The following RBFOX1 variants were observed in gnomAD, a reference collection of about 807,000 sequenced individuals.
RBFOX1 encodes the protein RNA binding fox-1 homolog 1.
In RBFOX1, 8 loss-of-function variants were observed where a neutral mutation model predicts 57.7. That is an observed-to-expected ratio of 0.14 (90% CI 0.08 to 0.25). RBFOX1 has a LOEUF of 0.25. Among genes scored for constraint, RBFOX1 ranks in the 10% least tolerant of loss-of-function variants. RBFOX1 has a pLI of 1.00. For synonymous variants in RBFOX1, 326 were observed against 222.4 expected, an observed-to-expected ratio of 1.47 and a Z score of -4.15; for missense variants, 611 against 548.5, an observed-to-expected ratio of 1.11 and a Z score of -1.14.
chr16:5,844,527 T>C (rs4238861), intron 3 of RBFOX1, among the ~76,000 whole-genome samples: 91,407 of 151,938 alleles, frequency 0.6, 27,941 homozygotes, highest in African/African-American at 0.68. Flanking sequence ...CTTGGACATG[T>C]GTGTAAGTCT....
intron 4 of RBFOX1, among the ~76,000 whole-genome samples, chr16:5,948,321 A>T (rs2059446798): frequency 1.3e-5 from 2 of 152,148 alleles, no homozygotes; most frequent in Admixed American, 1.3e-4. Context: ...TTTGTGGGAG[A>T]CACATGGCCT....
At chr16:6,518,617 C>A (rs1297517328) in intron 2 of RBFOX1, among the ~76,000 whole-genome samples, 1 of 152,150 alleles carries the variant, frequency 6.6e-6, no homozygotes. Flanking sequence ...GCCTCCAGCT[C>A]TTGGGGCTTC....
chr16:7,030,929 G>A (rs2042629045), intron 3 of RBFOX1, among the ~76,000 whole-genome samples: 1 of 152,222 alleles, frequency 6.6e-6, no homozygotes, highest in African/African-American at 2.4e-5. Context: ...GGAAGGGAAT[G>A]TGGGTATTTA....
At chr16:6,507,641 A>G (rs809091) in intron 2 of RBFOX1, among the ~76,000 whole-genome samples, 34,676 of 152,040 alleles carry the variant, frequency 0.23, 4,444 homozygotes, top group East Asian at 0.45. Context: ...ACTGCACTCC[A>G]GCCTGGACAG....
intron 4 of RBFOX1, among the ~76,000 whole-genome samples, chr16:7,157,184 T>A (rs777564059): frequency 1.3e-5 from 2 of 152,228 alleles, no homozygotes; most frequent in Non-Finnish European, 2.9e-5. Flanking sequence ...GTTTCAGCCT[T>A]AGAATTGCAG....
Position 6,149,412 on chromosome 16 carries a change from C to G in RBFOX1, c.-127+129420C>G, listed in dbSNP as rs2096782208. Among the ~76,000 whole-genome samples, 2 of 152,204 alleles carry G rather than the reference C, an allele frequency of 1.3e-5. 1 individual carries two copies. The highest frequency in any genetic ancestry group is 4.1e-4 in the South Asian group (2 of 4,830). On this transcript the variant is annotated intron_variant, in intron 1 of 15. Coordinates refer to ENST00000550418, the MANE Select transcript of RBFOX1 (RefSeq NM_018723.4). ...GGATTCATTGCAGACGCACAGGTTTCTGTTCTTAGAAGTACCCGTGTATGC... is the reference window on the plus strand; with the variant it reads ...GGATTCATTGCAGACGCACAGGTTTGTGTTCTTAGAAGTACCCGTGTATGC...
intron 4 of RBFOX1, among the ~76,000 whole-genome samples, chr16:7,405,334 C>A (rs117011231): frequency 6.6e-6 from 1 of 152,210 alleles, no homozygotes; most frequent in Non-Finnish European, 1.5e-5. Context: ...GGAAAGCCTT[C>A]AGCTGCGATG....
chr16:5,470,221 C>T (rs1327620762), intron 2 of RBFOX1, among the ~76,000 whole-genome samples: 7 of 152,220 alleles, frequency 4.6e-5, no homozygotes, highest in Admixed American at 4.6e-4. Flanking sequence ...GCATGTGGAA[C>T]ATCAGCCCTG....
In RBFOX1 at chr16:6,587,167, A is replaced by C. The variant is rs548570883; in HGVS notation, c.-63-67436A>C. Among the ~76,000 whole-genome samples the C allele has an allele frequency of 1.6e-3, 240 of 152,208 alleles. 1 individual carries two copies. The highest frequency in any genetic ancestry group is 5.6e-3 in the Admixed American group (85 of 15,278). On this transcript the variant is annotated intron_variant, in intron 2 of 15. Coordinates refer to ENST00000550418, the MANE Select transcript of RBFOX1 (RefSeq NM_018723.4). ...ACTGAATTTTTTTTATCCATTGACTAATGTCTCCCCAGCTCCCCTCTCTCC... is the reference window on the plus strand; with the variant it reads ...ACTGAATTTTTTTTATCCATTGACTCATGTCTCCCCAGCTCCCCTCTCTCC...
chr16:6,387,597 A>G (rs970807002), intron 2 of RBFOX1, among the ~76,000 whole-genome samples: 4 of 152,212 alleles, frequency 2.6e-5, no homozygotes, highest in African/African-American at 4.8e-5. Flanking sequence ...CACCAGCTCA[A>G]GGTTATGTGA....
intron 4 of RBFOX1, among the ~76,000 whole-genome samples, chr16:7,339,240 C>T (rs1194879700): frequency 6.6e-6 from 1 of 152,158 alleles, no homozygotes; most frequent in Non-Finnish European, 1.5e-5. Flanking sequence ...TGTGATTCAT[C>T]ATGTGTTTAT....
chr16:7,452,403 A>G (rs1213954896), intron 4 of RBFOX1, among the ~76,000 whole-genome samples: 1 of 152,236 alleles, frequency 6.6e-6, no homozygotes, highest in Admixed American at 6.5e-5. Flanking sequence ...CCACCTGCCT[A>G]GAATGGCCAG....
intron 2 of RBFOX1, among the ~76,000 whole-genome samples, chr16:6,572,842 C>A (rs1158622109): frequency 2.0e-5 from 3 of 152,140 alleles, no homozygotes; most frequent in Non-Finnish European, 4.4e-5. Context: ...GATCCACCCA[C>A]CTTCGCCTCC....
chr16:5,858,262 C>T (rs1219635602), intron 3 of RBFOX1, among the ~76,000 whole-genome samples: 1 of 152,158 alleles, frequency 6.6e-6, no homozygotes, highest in African/African-American at 2.4e-5. Context: ...AGCCTCAGCA[C>T]CCACTTCTCA....
At chr16:5,560,706 C>G (rs1386396776) in intron 2 of RBFOX1, among the ~76,000 whole-genome samples, 3 of 152,232 alleles carry the variant, frequency 2.0e-5, no homozygotes, top group South Asian at 4.2e-4. Context: ...CATCTTTTTT[C>G]TTAACCTACC....
intron 4 of RBFOX1, among the ~76,000 whole-genome samples, chr16:7,101,872 A>G (rs2062756040): frequency 1.3e-5 from 2 of 152,086 alleles, no homozygotes; most frequent in Admixed American, 1.3e-4. Context: ...CAGGGATTGT[A>G]CAGTTGGTAA....
intron 2 of RBFOX1, among the ~76,000 whole-genome samples, chr16:6,653,266 T>C (rs952946147): frequency 6.6e-6 from 1 of 152,026 alleles, no homozygotes; most frequent in Admixed American, 6.6e-5. Flanking sequence ...TTCTTCATAG[T>C]ACATATTCTT....
intron 4 of RBFOX1, among the ~76,000 whole-genome samples, chr16:7,128,673 G>C (rs532835027): frequency 7.6e-4 from 116 of 152,234 alleles, no homozygotes; most frequent in Non-Finnish European, 1.1e-3. Flanking sequence ...TACAAGTCCA[G>C]TTTGGATTCA....
intron 3 of RBFOX1, among the ~76,000 whole-genome samples, chr16:6,969,503 C>G (rs546332290): frequency 6.6e-6 from 1 of 151,864 alleles, no homozygotes; most frequent in African/African-American, 2.4e-5. Flanking sequence ...AGGAGGCCAA[C>G]GTAGGTGGAT....
Sources: allele counts gnomAD v4.1 joint callset (sites outside exome capture counted in the v4.1 genomes callset), GRCh38; gene constraint gnomAD v4.1.1; transcripts MANE v1.5; gene names NCBI Gene and HGNC (gene_info 2026-07-23, HGNC 2026-07-21).